The following ANKRD44 variants were observed in gnomAD, a reference collection of about 807,000 sequenced individuals.
ANKRD44 encodes the protein serine/threonine-protein phosphatase 6 regulatory ankyrin repeat subunit B.
ANKRD44 carries 35 observed loss-of-function variants against 116.0 expected under a neutral mutation model. The ratio of observed to expected loss-of-function variants is 0.30; its 90% CI spans 0.23 to 0.40. ANKRD44 has a LOEUF of 0.40. Ranked by LOEUF, ANKRD44 falls within the 10% of genes least tolerant of loss-of-function variation. ANKRD44 has a pLI of 1.00. For missense variants in ANKRD44, 1,014 were observed against 1,242.6 expected, an observed-to-expected ratio of 0.82 and a Z score of 2.77; for synonymous variants, 435 against 461.8, an observed-to-expected ratio of 0.94 and a Z score of 0.74.
At chr2:197,210,147 A>T (rs1207048743) in intron 1 of ANKRD44, among the ~76,000 whole-genome samples, 1 of 152,222 alleles carries the variant, frequency 6.6e-6, no homozygotes, top group African/African-American at 2.4e-5. Context: ...TGACTCCTAA[A>T]AAAAGAACAG....
At chr2:197,233,041 A>G (rs2081902747) in intron 1 of ANKRD44, among the ~76,000 whole-genome samples, 1 of 152,220 alleles carries the variant, frequency 6.6e-6, no homozygotes, top group South Asian at 2.1e-4. Context: ...TGTACAAAAT[A>G]TGGTCCCAAT....
At chr2:197,220,777 C>T (rs182955129) in intron 1 of ANKRD44, among the ~76,000 whole-genome samples, 1 of 152,182 alleles carries the variant, frequency 6.6e-6, no homozygotes, top group Admixed American at 6.5e-5. Flanking sequence ...ATTTAACAGC[C>T]TTTATTAAAG....
intron 3 of ANKRD44, among the ~76,000 whole-genome samples, chr2:197,143,725 G>A (rs766994282): frequency 1.1e-4 from 16 of 152,024 alleles, no homozygotes; most frequent in Non-Finnish European, 2.1e-4. Flanking sequence ...TGCCTCCCAG[G>A]CTCAAGTGAT....
chr2:197,298,841 C>T (rs2105902509), intron 1 of ANKRD44, among the ~76,000 whole-genome samples: 1 of 152,070 alleles, frequency 6.6e-6, no homozygotes, highest in Non-Finnish European at 1.5e-5. Flanking sequence ...CAACTGAGCC[C>T]CGGAAGTCAA....
intron 2 of ANKRD44, among the ~76,000 whole-genome samples, chr2:197,182,141 T>C (rs540754934): frequency 5.6e-4 from 85 of 152,264 alleles, no homozygotes; most frequent in Non-Finnish European, 9.8e-4. Flanking sequence ...TGAAATCAGA[T>C]GCTATTCTCC....
At chr2:197,014,346 T>G (rs2125923295) in intron 17 of ANKRD44, among the ~76,000 whole-genome samples, 1 of 152,340 alleles carries the variant, frequency 6.6e-6, no homozygotes, top group African/African-American at 2.4e-5. Context: ...CTTTGCAAAA[T>G]ATCTTGCATG....
At chr2:197,139,226 G>A (rs10186575) in intron 3 of ANKRD44, among the ~76,000 whole-genome samples, 17,539 of 152,040 alleles carry the variant, frequency 0.12, 1,152 homozygotes, top group Middle Eastern at 0.14. Context: ...AAGGTGCACC[G>A]CAACATGTTT....
At chr2:197,099,483 G>A (rs2078239388) in intron 10 of ANKRD44, 1 of 1,024,146 alleles carries the variant, frequency 9.8e-7, no homozygotes, top group Admixed American at 5.0e-5. Flanking sequence ...ATTCTAAATT[G>A]GCTCAGTTAG....
At chr2:197,261,742 T>G (rs1368001370) in intron 1 of ANKRD44, among the ~76,000 whole-genome samples, 1 of 152,176 alleles carries the variant, frequency 6.6e-6, no homozygotes, top group Non-Finnish European at 1.5e-5. Flanking sequence ...CTGAGACTTT[T>G]CGTTGCTAAA....
intron 2 of ANKRD44, among the ~76,000 whole-genome samples, chr2:197,150,967 C>T (rs1277111887): frequency 6.6e-6 from 1 of 152,088 alleles, no homozygotes; most frequent in African/African-American, 2.4e-5. Context: ...TGCCTTGTCC[C>T]GGGTTCTTGG....
At chr2:197,086,399 C>T (rs2077924070) in intron 13 of ANKRD44, among the ~76,000 whole-genome samples, 1 of 152,036 alleles carries the variant, frequency 6.6e-6, no homozygotes, top group African/African-American at 2.4e-5. Context: ...ACAGAATTTT[C>T]CAAACTATAT....
intron 1 of ANKRD44, among the ~76,000 whole-genome samples, chr2:197,245,491 T>C (rs1417769651): frequency 3.3e-5 from 5 of 152,194 alleles, no homozygotes; most frequent in Non-Finnish European, 4.4e-5. Flanking sequence ...GGGACAGCAG[T>C]ATACATACTC....
At position 197,310,668 on chromosome 2, in the gene ANKRD44, CG is replaced by C; in HGVS notation, c.-65del. ...GGCCCGCAGATGTCACGCCGGGAGC[CG>C]GGGAAGCGGAAGGGATTGCCAGGAG... is the stretch of plus-strand genomic sequence containing the variant. On this transcript the variant is annotated 5_prime_UTR_variant, in exon 1 of 28. Coordinates refer to ENST00000282272, the MANE Select transcript of ANKRD44 (RefSeq NM_001195144.2). The C allele has an allele frequency of 9.9e-6, 13 of 1,307,388 alleles. No homozygotes were observed. The highest frequency in any genetic ancestry group is 4.5e-5 in the South Asian group (3 of 66,182). The allele number at this position is 1,307,388 out of a possible 1,614,324, so 81.0% of individuals were successfully genotyped here. A position where few individuals can be genotyped will look rare whatever the true frequency, so the allele number is the denominator to read the frequency against.
intron 1 of ANKRD44, among the ~76,000 whole-genome samples, chr2:197,219,636 G>C (rs1156248876): frequency 6.6e-6 from 1 of 152,184 alleles, no homozygotes; most frequent in Non-Finnish European, 1.5e-5. Context: ...CTGGCACCAT[G>C]AAAGCAGACG....
chr2:197,148,393 G>A lies in ANKRD44; in HGVS notation c.112-1288C>T, dbSNP rs1365886423. On this transcript the variant is annotated intron_variant, in intron 2 of 27. Transcript: ENST00000282272. Reference sequence around the variant, plus strand: ...TTCTATTGACTCCTCCATAGCAATGGTAACCAAAGCCCATCTGCTATGTCT... The same window carrying A: ...TTCTATTGACTCCTCCATAGCAATGATAACCAAAGCCCATCTGCTATGTCT... Among the ~76,000 whole-genome samples, 5 of 152,136 alleles carry A rather than the reference G, an allele frequency of 3.3e-5. No individual in the cohort carries two copies. The East Asian group carries it at 9.6e-4, about 29-fold the overall frequency.
chr2:197,258,492 T>C (rs918966093), intron 1 of ANKRD44, among the ~76,000 whole-genome samples: 1 of 152,174 alleles, frequency 6.6e-6, no homozygotes, highest in African/African-American at 2.4e-5. Context: ...TCATACGTCA[T>C]TGGACGTTTG....
intron 2 of ANKRD44, among the ~76,000 whole-genome samples, chr2:197,168,607 A>G (rs2080155569): frequency 6.6e-6 from 1 of 152,124 alleles, no homozygotes; most frequent in Non-Finnish European, 1.5e-5. Flanking sequence ...TCTCTCAGAA[A>G]TGAATTGCTC....
chr2:197,123,130 G>A (rs751896514), intron 6 of ANKRD44, among the ~76,000 whole-genome samples: 3 of 152,074 alleles, frequency 2.0e-5, no homozygotes, highest in Non-Finnish European at 4.4e-5. Flanking sequence ...TAAAATGAAA[G>A]CAATGCTTTT....
At chr2:197,184,804 G>A (rs2080613538) in intron 2 of ANKRD44, among the ~76,000 whole-genome samples, 1 of 152,082 alleles carries the variant, frequency 6.6e-6, no homozygotes, top group African/African-American at 2.4e-5. Context: ...TGTTCATAAA[G>A]AGACCTAAAC....
Sources: allele counts gnomAD v4.1 joint callset (sites outside exome capture counted in the v4.1 genomes callset), GRCh38; gene constraint gnomAD v4.1.1; transcripts MANE v1.5; gene names NCBI Gene and HGNC (gene_info 2026-07-23, HGNC 2026-07-21).